The following KDM2A variants were observed in gnomAD, a reference collection of about 807,000 sequenced individuals.
KDM2A encodes lysine-specific demethylase 2A.
In KDM2A, 3 loss-of-function variants were observed where a neutral mutation model predicts 137.3. The ratio of observed to expected loss-of-function variants is 0.02; its 90% CI spans 0.01 to 0.06. KDM2A has a LOEUF of 0.06. Among genes scored for constraint, KDM2A ranks in the 10% least tolerant of loss-of-function variants. KDM2A has a pLI of 1.00. For missense variants in KDM2A, 738 were observed against 1,510.6 expected (o/e 0.49, Z 8.48); for synonymous variants, 512 against 541.5 (o/e 0.95, Z 0.76).
At chr11:67,195,256 C>G (rs1004128796) in intron 5 of KDM2A, among the ~76,000 whole-genome samples, 1 of 150,672 alleles carries the variant, frequency 6.6e-6, no homozygotes, top group African/African-American at 2.4e-5. Flanking sequence ...ATAGTCCCAG[C>G]TACCCGAGAG....
chr11:67,168,097 A>G (rs1236767033), intron 2 of KDM2A, among the ~76,000 whole-genome samples: 1 of 152,218 alleles, frequency 6.6e-6, no homozygotes, highest in African/African-American at 2.4e-5. Flanking sequence ...CAAACTTTGT[A>G]TAACCTTTTA....
intron 2 of KDM2A, among the ~76,000 whole-genome samples, chr11:67,169,972 G>A (rs960328589): frequency 1.3e-5 from 2 of 151,916 alleles, no homozygotes; most frequent in African/African-American, 2.4e-5. Context: ...TGGCCAGGCT[G>A]GTCTCGAACT....
At chr11:67,120,295 G>T (rs1156748066) in intron 1 of KDM2A, among the ~76,000 whole-genome samples, 1 of 152,178 alleles carries the variant, frequency 6.6e-6, no homozygotes, top group Non-Finnish European at 1.5e-5. Flanking sequence ...CTCCGGGAGG[G>T]CTCTGCCTCT....
chr11:67,184,256 G>A (rs956285352), intron 5 of KDM2A, among the ~76,000 whole-genome samples: 2 of 152,104 alleles, frequency 1.3e-5, no homozygotes, highest in Non-Finnish European at 2.9e-5. Context: ...CACTTTGGGA[G>A]GCTGAGGCAG....
At chr11:67,129,138 A>C (rs116711271) in intron 2 of KDM2A, among the ~76,000 whole-genome samples, 2,862 of 152,328 alleles carry the variant, frequency 0.019, 90 homozygotes, top group African/African-American at 0.065. Context: ...GATGAGGAGG[A>C]TATCTGGATA....
In KDM2A at chr11:67,173,475, C is replaced by G. The variant is rs186256183; in HGVS notation, c.43-6604C>G. Among the ~76,000 whole-genome samples the G allele has an allele frequency of 2.7e-3, 407 of 152,206 alleles. 2 individuals are homozygous for G. The highest frequency in any genetic ancestry group is 5.0e-3 in the Non-Finnish European group (337 of 68,012). ...GTTTTGCAATATTGGCCAGGCTGGT[C>G]TCCAGCTCCTGACCTCAATGATCAG... On this transcript the variant is annotated intron_variant, in intron 2 of 20. Coordinates refer to ENST00000529006, the MANE Select transcript of KDM2A (RefSeq NM_012308.3).
intron 12 of KDM2A, among the ~76,000 whole-genome samples, chr11:67,237,281 G>GA (rs1439246940): frequency 2.6e-5 from 4 of 152,232 alleles, no homozygotes; most frequent in African/African-American, 9.6e-5. Flanking sequence ...GATTGAAGCA[G>GA]AAAGGGTTAT....
At chr11:67,189,261 A>G (rs922235430) in intron 5 of KDM2A, among the ~76,000 whole-genome samples, 1 of 152,238 alleles carries the variant, frequency 6.6e-6, no homozygotes, top group African/African-American at 2.4e-5. Flanking sequence ...GTAAAACTGG[A>G]AAGGTCACAA....
chr11:67,155,400 C>G (rs1321993152), intron 2 of KDM2A, among the ~76,000 whole-genome samples: 1 of 151,530 alleles, frequency 6.6e-6, no homozygotes, highest in Non-Finnish European at 1.5e-5. Flanking sequence ...CGTCATACTC[C>G]TAGGCTCAAG....
intron 2 of KDM2A, among the ~76,000 whole-genome samples, chr11:67,134,652 G>A (rs1304045446): frequency 6.6e-6 from 1 of 151,900 alleles, no homozygotes; most frequent in Non-Finnish European, 1.5e-5. Flanking sequence ...TTACAGGTAT[G>A]CGTCGCCACG....
At chr11:67,213,929 C>T (rs1305395462) in intron 6 of KDM2A, among the ~76,000 whole-genome samples, 6 of 151,910 alleles carry the variant, frequency 3.9e-5, no homozygotes, top group Non-Finnish European at 8.8e-5. Context: ...CAGTGGTGAT[C>T]GTAGCTTACT....
intron 5 of KDM2A, among the ~76,000 whole-genome samples, chr11:67,202,775 CAA>C (rs891639478): frequency 1.6e-5 from 2 of 128,684 alleles, no homozygotes; most frequent in Non-Finnish European, 1.7e-5. Flanking sequence ...GACTTCGTCT[CAA>C]AAAAAAAAAA....
At chr11:67,246,548 G>C (rs1859213444) in intron 15 of KDM2A, among the ~76,000 whole-genome samples, 1 of 151,806 alleles carries the variant, frequency 6.6e-6, no homozygotes, top group African/African-American at 2.4e-5. Flanking sequence ...GTCTGTATCA[G>C]ACTCAGTGCA....
At chr11:67,203,527 TAAA>T (rs1244855120) in intron 5 of KDM2A, among the ~76,000 whole-genome samples, 1 of 147,836 alleles carries the variant, frequency 6.8e-6, no homozygotes, top group Non-Finnish European at 1.5e-5. Context: ...AAATATATAA[TAAA>T]TAAGTAGTCT....
intron 18 of KDM2A, 48 bp from the exon 19 acceptor site, chr11:67,253,405 A>G (rs749612968): frequency 1.9e-6 from 3 of 1,548,918 alleles, no homozygotes; most frequent in African/African-American, 2.7e-5. Context: ...GGCTCTGAGT[A>G]TGCTGGGAAA....
At chr11:67,242,004 G>T (rs1859057720) in intron 12 of KDM2A, among the ~76,000 whole-genome samples, 1 of 152,156 alleles carries the variant, frequency 6.6e-6, no homozygotes, top group African/African-American at 2.4e-5. Flanking sequence ...GGGAGGCGAG[G>T]CGGAGGTTGC....
intron 10 of KDM2A, among the ~76,000 whole-genome samples, chr11:67,220,259 G>T (rs978337394): frequency 6.6e-6 from 1 of 151,984 alleles, no homozygotes; most frequent in African/African-American, 2.4e-5. Flanking sequence ...TGATCTGCCC[G>T]CTTTGGCCTC....
At chr11:67,155,361 AGCAG>A in intron 2 of KDM2A, among the ~76,000 whole-genome samples, 1 of 152,082 alleles carries the variant, frequency 6.6e-6, no homozygotes, top group East Asian at 1.9e-4. Context: ...CTGGAGTGCA[AGCAG>A]TGGACTGATC....
intron 2 of KDM2A, among the ~76,000 whole-genome samples, chr11:67,139,641 A>C (rs1856049687): frequency 6.6e-6 from 1 of 151,838 alleles, no homozygotes; most frequent in African/African-American, 2.4e-5. Flanking sequence ...AGCCTCTCAA[A>C]GTACTAGTAT....
Sources: gnomAD v4.1 joint callset for allele counts (sites outside exome capture counted in the v4.1 genomes callset) on GRCh38, gnomAD v4.1.1 for gene constraint, MANE v1.5 for transcripts, NCBI Gene and HGNC (gene_info 2026-07-23, HGNC 2026-07-21) for gene names.